TRPC7: variants seen among roughly 807,000 people sequenced by gnomAD.
TRPC7 encodes short transient receptor potential channel 7.
A neutral mutation model predicts 90.1 loss-of-function variants in TRPC7; 42 were observed. The ratio of observed to expected loss-of-function variants is 0.47; its 90% CI spans 0.36 to 0.60. TRPC7 has a LOEUF of 0.60. Ranked by LOEUF, TRPC7 falls within the 20% of genes least tolerant of loss-of-function variation. TRPC7 has a pLI of 0.00. For missense variants in TRPC7, 955 were observed against 1,112.3 expected (o/e 0.86, Z 2.01); for synonymous variants, 451 against 436.3 (o/e 1.03, Z -0.42).
chr5:136,316,377 T>C (rs551566884), intron 2 of TRPC7, among the ~76,000 whole-genome samples: 5 of 152,252 alleles, frequency 3.3e-5, no homozygotes, highest in Admixed American at 1.3e-4. Flanking sequence ...ACAGGTGTGC[T>C]TTTTTGTGTG....
At chr5:136,222,965 G>T (rs1220705552) in intron 10 of TRPC7, among the ~76,000 whole-genome samples, 1 of 152,200 alleles carries the variant, frequency 6.6e-6, no homozygotes, top group Non-Finnish European at 1.5e-5. Flanking sequence ...ACATCTCAGG[G>T]TTTACTCCAA....
rs1168882388 is a variant in TRPC7, at chr5:136,260,639, A to G, written c.1345+5581T>C. 2.6e-5 allele frequency among the ~76,000 whole-genome samples: 4 copies of G among 152,350 alleles called. No homozygotes were observed. In the East Asian group the frequency reaches 7.7e-4, roughly 29 times the overall value. ...GGTGAGAGCATCATAGGCCACTATA[A>G]TGACACTGGCTGTCATTCTGAGGGA... On this transcript the variant is annotated intron_variant, in intron 5 of 11. Transcript: ENST00000513104.
intron 10 of TRPC7, 58 bp downstream of exon 10, chr5:136,225,214 CTG>C: frequency 6.8e-7 from 1 of 1,472,672 alleles, no homozygotes; most frequent in East Asian, 2.3e-5. Flanking sequence ...GGGACTAAAT[CTG>C]TGTCTTAGTG....
intron 7 of TRPC7, among the ~76,000 whole-genome samples, chr5:136,239,071 T>C (rs1756078211): frequency 6.6e-6 from 1 of 152,180 alleles, no homozygotes; most frequent in Admixed American, 6.5e-5. Flanking sequence ...CTTAGAACTT[T>C]TCTGTGCTGG....
At chr5:136,248,631 C>T (rs1233037461) in intron 6 of TRPC7, among the ~76,000 whole-genome samples, 8 of 152,206 alleles carry the variant, frequency 5.3e-5, no homozygotes, top group African/African-American at 7.2e-5. Flanking sequence ...AGGTTTGCCA[C>T]GACAGCCCTG....
intron 3 of TRPC7, among the ~76,000 whole-genome samples, chr5:136,309,622 C>A (rs950067319): frequency 4.6e-5 from 7 of 152,168 alleles, no homozygotes; most frequent in African/African-American, 1.7e-4. Context: ...ATGTGTGACA[C>A]ATCCAGGTGA....
chr5:136,260,171 C>T (rs1756810566), intron 5 of TRPC7, among the ~76,000 whole-genome samples: 1 of 152,120 alleles, frequency 6.6e-6, no homozygotes, highest in Non-Finnish European at 1.5e-5. Context: ...TTGGGAAAAC[C>T]AGATGGCCAT....
rs192565163 is a variant in TRPC7 at position 136,290,239 on chromosome 5, C to G, written c.964-15402G>C. ...AAACTCTAAAAATCAGAGCGCCTCT[C>G]CTCATCCAAAGGAACGCAGCTCCTC... On this transcript the variant is annotated intron_variant, in intron 3 of 11. Coordinates refer to ENST00000513104, the MANE Select transcript of TRPC7 (RefSeq NM_020389.3). Among the ~76,000 whole-genome samples, 486 of 152,322 alleles carry G rather than the reference C, an allele frequency of 3.2e-3. 1 individual carries two copies. Among genetic ancestry groups the G allele is most frequent in the African/African-American group, 0.011 (451 of 41,582 alleles).
At chr5:136,272,690 GA>G (rs1242543749) in intron 4 of TRPC7, among the ~76,000 whole-genome samples, 1 of 152,014 alleles carries the variant, frequency 6.6e-6, no homozygotes, top group East Asian at 1.9e-4. Flanking sequence ...AGTCTTAATG[GA>G]ACTTCTGGGG....
chr5:136,333,501 G>A (rs879535114), intron 2 of TRPC7, among the ~76,000 whole-genome samples: 1 of 152,226 alleles, frequency 6.6e-6, no homozygotes, highest in Non-Finnish European at 1.5e-5. Flanking sequence ...CATAGGCAGT[G>A]AGGGCCACGA....
At chr5:136,275,698 C>A (rs1477322) in intron 3 of TRPC7, among the ~76,000 whole-genome samples, 14 of 152,128 alleles carry the variant, frequency 9.2e-5, no homozygotes, top group Admixed American at 5.9e-4. Context: ...GCCCTCACCC[C>A]TGGATTCAGC....
chr5:136,253,035 G>A (rs1043967730), intron 5 of TRPC7, among the ~76,000 whole-genome samples: 2 of 152,184 alleles, frequency 1.3e-5, no homozygotes, highest in African/African-American at 4.8e-5. Flanking sequence ...TTTGAGATGT[G>A]CTGTAAATGT....
chr5:136,307,880 A>G (rs1479004506), intron 3 of TRPC7, among the ~76,000 whole-genome samples: 4 of 152,218 alleles, frequency 2.6e-5, no homozygotes, highest in African/African-American at 9.6e-5. Flanking sequence ...TGCACCTACC[A>G]TGTTCTAGGT....
At position 136,213,215 on chromosome 5, in the gene TRPC7, G is replaced by A. The variant is rs574277368; in HGVS notation, c.*220C>T. On this transcript the variant is annotated 3_prime_UTR_variant, in exon 12 of 12. Coordinates refer to ENST00000513104, the MANE Select transcript of TRPC7 (RefSeq NM_020389.3). The stretch of plus-strand genomic sequence containing the variant: ...GGGGCTGTTCCTCCCCTCCTCCCAT[G>A]GTAGCTTTTCTTACCCAACCACCTA... The A allele has an allele frequency of 1.1e-5, 6 of 555,896 alleles. No individual in the cohort carries two copies. The highest frequency in any genetic ancestry group is 3.2e-6 in the Non-Finnish European group (1 of 313,342). 34.4% of individuals were successfully genotyped at this position (555,896 alleles called of 1,614,324 possible). A position where few individuals can be genotyped will look rare whatever the true frequency, so the allele number is the denominator to read the frequency against.
chr5:136,322,910 C>T (rs1362110979), intron 2 of TRPC7, among the ~76,000 whole-genome samples: 1 of 152,138 alleles, frequency 6.6e-6, no homozygotes, highest in East Asian at 1.9e-4. Context: ...AAATATTTCT[C>T]TTAGTCTGTG....
At position 136,231,586 on chromosome 5, in the gene TRPC7, A is replaced by T. The variant is rs527449897; in HGVS notation, c.1845-37T>A. On this transcript the variant is annotated intron_variant, in intron 7 of 11. Coordinates refer to ENST00000513104, the MANE Select transcript of TRPC7 (RefSeq NM_020389.3). Reference sequence around the variant, plus strand: ...CAGACGGTCCTTTTACGCAGTTTGCATCAGCTTGAACTTTTATTTATTCAT... The same window carrying T: ...CAGACGGTCCTTTTACGCAGTTTGCTTCAGCTTGAACTTTTATTTATTCAT... 1.4e-4 allele frequency: 220 copies of T among 1,530,202 alleles called. 3 individuals carry two copies. In the South Asian group the frequency reaches 2.6e-3, roughly 18 times the overall value. The allele number at this position is 1,530,202 out of a possible 1,614,324, so 94.8% of individuals were successfully genotyped here.
Position 136,356,949 on chromosome 5 carries a change from G to T in TRPC7, c.439C>A (p.Arg147Ser). Residue 147 changes from arginine to serine, a missense_variant, in exon 2 of 12, where the codon CGC becomes AGC. Physicochemically the swap from Arg to Ser is moderately radical, Grantham distance 110 (BLOSUM62 -1). This residue lies in a region of TRPC7 where 484 missense variants were observed against 509.6 expected (regional missense o/e 0.95). Transcript: ENST00000513104. ...LTLSPLEQEL[R>S]DDDFYAYDED... Reference sequence around the variant, plus strand: ...TCGTAGGCATAGAAGTCGTCGTCGCGCAGCTCCTGTTCCAGCGGGCTGAGC... The same window carrying T: ...TCGTAGGCATAGAAGTCGTCGTCGCTCAGCTCCTGTTCCAGCGGGCTGAGC... 6.2e-7 allele frequency: 1 copy of T among 1,612,858 alleles called. No individual in the cohort carries two copies. Among genetic ancestry groups the T allele is most frequent in the Non-Finnish European group, 8.5e-7 (1 of 1,179,756 alleles).
At chr5:136,289,755 A>C (rs1218473413) in intron 3 of TRPC7, among the ~76,000 whole-genome samples, 1 of 152,266 alleles carries the variant, frequency 6.6e-6, no homozygotes, top group Non-Finnish European at 1.5e-5. Context: ...TAACCTCTGC[A>C]GACTTAAATG....
chr5:136,364,878 C>T (rs180707992), intron 1 of TRPC7, among the ~76,000 whole-genome samples: 6 of 152,230 alleles, frequency 3.9e-5, no homozygotes, highest in East Asian at 1.9e-4. Flanking sequence ...CCTTCTCTCA[C>T]CCCTATATTT....
Sources: gnomAD v4.1 joint callset for allele counts (sites outside exome capture counted in the v4.1 genomes callset) on GRCh38, gnomAD v4.1.1 for gene constraint, gnomAD v4.1.1 regional missense constraint, MANE v1.5 for transcripts, NCBI Gene and HGNC (gene_info 2026-07-23, HGNC 2026-07-21) for gene names.